TUSC3: variants seen among roughly 807,000 people sequenced by gnomAD.
The protein encoded by TUSC3 is tumor suppressor candidate 3, also known as dolichyl-diphosphooligosaccharide--protein glycosyltransferase subunit TUSC3.
TUSC3 carries 45 observed loss-of-function variants against 44.8 expected under a neutral mutation model. That is an observed-to-expected ratio of 1.00 (90% CI 0.79 to 1.29). The LOEUF is 1.29. Among genes scored for constraint, TUSC3 ranks in the 50% most tolerant of loss-of-function variants. The pLI, the probability that TUSC3 is intolerant of heterozygous loss-of-function variation, is 0.00. For missense variants in TUSC3, 519 were observed against 437.9 expected, an observed-to-expected ratio of 1.19 and a Z score of -1.65; for synonymous variants, 212 against 152.9, an observed-to-expected ratio of 1.39 and a Z score of -2.85.
chr8:15,785,247 A>G, the TUSC3 span, among the ~76,000 whole-genome samples: 1 of 151,990 alleles, frequency 6.6e-6, no homozygotes. Context: ...TCTGTTACCT[A>G]TATAGAAAGA....
At chr8:15,534,579 CTTGCCAGTGGCCGAGA>C (rs1240260292) in intron 2 of TUSC3, among the ~76,000 whole-genome samples, 7 of 148,574 alleles carry the variant, frequency 4.7e-5, no homozygotes, top group Non-Finnish European at 1.0e-4. Flanking sequence ...GGAGGCGGAG[CTTGCCAGTGGCCGAGA>C]TCGCGCCACT....
At chr8:15,792,147 C>T in the TUSC3 span, among the ~76,000 whole-genome samples, 36 of 151,646 alleles carry the variant, frequency 2.4e-4, no homozygotes, top group African/African-American at 8.7e-4. Flanking sequence ...CACACACACC[C>T]TCTACCCACC....
chr8:15,422,309 T>C (rs1191166402), intron 1 of TUSC3, among the ~76,000 whole-genome samples: 1 of 152,216 alleles, frequency 6.6e-6, no homozygotes, highest in Non-Finnish European at 1.5e-5. Flanking sequence ...TCTATTACAT[T>C]ATGTTCCATT....
At chr8:15,544,861 C>T (rs1037564435) in intron 1 of TUSC3, among the ~76,000 whole-genome samples, 4 of 151,768 alleles carry the variant, frequency 2.6e-5, no homozygotes, top group African/African-American at 9.7e-5. Flanking sequence ...TATGACCACC[C>T]CTTGAAGCGT....
chr8:15,661,041 C>G (rs1257670586), intron 4 of TUSC3, among the ~76,000 whole-genome samples: 4 of 151,854 alleles, frequency 2.6e-5, no homozygotes, highest in East Asian at 3.9e-4. Flanking sequence ...ATTCCATCTG[C>G]TTTGTGATTA....
chr8:15,641,087 G>A (rs749659442), intron 2 of TUSC3, among the ~76,000 whole-genome samples: 9 of 152,084 alleles, frequency 5.9e-5, no homozygotes, highest in South Asian at 2.1e-4. Flanking sequence ...GAGGCCGGGC[G>A]CGGTGGCTCA....
chr8:15,472,899 A>G (rs1563260144), intron 1 of TUSC3, among the ~76,000 whole-genome samples: 1 of 152,232 alleles, frequency 6.6e-6, no homozygotes. Flanking sequence ...ACAGCTCCAC[A>G]TACAGAAGTT....
intron 6 of TUSC3, among the ~76,000 whole-genome samples, chr8:15,703,867 CCAT>C (rs1414774554): frequency 2.0e-5 from 3 of 152,108 alleles, no homozygotes; most frequent in African/African-American, 7.2e-5. Flanking sequence ...AACATACAAA[CCAT>C]AGCACTGTAT....
intron 1 of TUSC3, among the ~76,000 whole-genome samples, chr8:15,436,520 C>T (rs1799947246): frequency 6.6e-6 from 1 of 152,104 alleles, no homozygotes; most frequent in Non-Finnish European, 1.5e-5. Context: ...TCATTTTATG[C>T]CGAAGAAATA....
At chr8:15,757,992 A>G (rs1812003316) in intron 10 of TUSC3, 137 bp downstream of exon 10, 3 of 1,466,734 alleles carry the variant, frequency 2.0e-6, no homozygotes, top group South Asian at 2.9e-5. Flanking sequence ...GTGAGATTCC[A>G]TATTCCAGTC....
At chr8:15,807,313 A>T in the TUSC3 span, 1 of 471,720 alleles carries the variant, frequency 2.1e-6, no homozygotes, top group Non-Finnish European at 3.9e-6. Context: ...CTCTATTAAA[A>T]GTCAAAAATC....
the TUSC3 span, among the ~76,000 whole-genome samples, chr8:15,824,846 C>G: frequency 1.3e-5 from 2 of 152,154 alleles, no homozygotes; most frequent in African/African-American, 2.4e-5. Flanking sequence ...TGTCAGTTCT[C>G]CCAAGGTATA....
chr8:15,712,706 G>T (rs962318992), intron 6 of TUSC3, among the ~76,000 whole-genome samples: 3 of 151,986 alleles, frequency 2.0e-5, no homozygotes, highest in African/African-American at 7.2e-5. Flanking sequence ...ACTGTAGAAA[G>T]TCAGAAATAA....
intron 5 of TUSC3, among the ~76,000 whole-genome samples, chr8:15,664,298 T>C (rs1332770875): frequency 6.6e-6 from 1 of 151,660 alleles, no homozygotes; most frequent in Non-Finnish European, 1.5e-5. Context: ...ATGTGTCTTA[T>C]ATGTTGGTGA....
intron 1 of TUSC3, among the ~76,000 whole-genome samples, chr8:15,445,461 G>A (rs1349875206): frequency 1.3e-5 from 2 of 152,164 alleles, no homozygotes; most frequent in Non-Finnish European, 2.9e-5. Flanking sequence ...AGAGGACCCT[G>A]CGGCCTTCCG....
chr8:15,659,639 G>C lies in TUSC3; in HGVS notation c.559G>C (p.Asp187His), dbSNP rs1318605273. 1 of 1,612,714 alleles carries C rather than the reference G, an allele frequency of 6.2e-7. No homozygotes were observed. The highest frequency in any genetic ancestry group is 8.5e-7 in the Non-Finnish European group (1 of 1,179,524). The change falls in exon 4 of 11, where the codon GAT (aspartate) becomes CAT (histidine). Residue 187 changes from aspartate (D) to histidine (H), a missense_variant. Asp to His is a moderately conservative substitution (Grantham distance 81, BLOSUM62 -1). Transcript: ENST00000503731. The part of the protein sequence containing the change: ...QLAKWIADRT[D>H]VHIRVFRPPN... ...AGCAAAGTGGATTGCTGACAGAACG[G>C]ATGTTCATGTATGTTTTTATTCCTC... is the stretch of plus-strand genomic sequence containing the variant.
chr8:15,523,639 C>CATATATATATATAT (rs151223991), intron 2 of TUSC3, among the ~76,000 whole-genome samples: 111 of 63,562 alleles, frequency 1.7e-3, no homozygotes, highest in South Asian at 4.7e-3. Context: ...CCTTTAAAAA[C>CATATATATATATAT]ATATATATAT....
chr8:15,790,031 T>C, the TUSC3 span, among the ~76,000 whole-genome samples: 1 of 152,128 alleles, frequency 6.6e-6, no homozygotes, highest in African/African-American at 2.4e-5. Context: ...GCCAGAAGCA[T>C]GTGGGCTGTT....
chr8:15,683,706 C>G lies in TUSC3; in HGVS notation c.798+9870C>G, dbSNP rs375549842. Among the ~76,000 whole-genome samples the G allele has an allele frequency of 2.6e-5, 4 of 152,256 alleles. No individual in the cohort carries two copies. The East Asian group carries it at 7.7e-4, about 29-fold the overall frequency. Reference sequence around the variant, plus strand: ...GCAATCCTTTGGATATTACAAAACACTGACTTTTTCAATTCTTGTACTTCC... The same window carrying G: ...GCAATCCTTTGGATATTACAAAACAGTGACTTTTTCAATTCTTGTACTTCC... On this transcript the variant is annotated intron_variant, in intron 6 of 10. Transcript: ENST00000503731.
Sources: gnomAD v4.1 joint callset for allele counts (sites outside exome capture counted in the v4.1 genomes callset) on GRCh38, gnomAD v4.1.1 for gene constraint, MANE v1.5 for transcripts, NCBI Gene and HGNC (gene_info 2026-07-23, HGNC 2026-07-21) for gene names.